Variants in ZNF251 observed in about 807,000 individuals in gnomAD.
ZNF251 encodes zinc finger protein 251.
A neutral mutation model predicts 13.5 loss-of-function variants in ZNF251; 14 were observed. That is an observed-to-expected ratio of 1.04 (90% confidence interval 0.69 to 1.63). The LOEUF (loss-of-function observed/expected upper bound fraction) is 1.63. ZNF251 is among the 40% of genes most tolerant of loss of function. The pLI, the probability that ZNF251 is intolerant of heterozygous loss-of-function variation, is 0.00. For synonymous variants in ZNF251, 287 were observed against 295.2 expected, an observed-to-expected ratio of 0.97 and a Z score of 0.28; for missense variants, 764 against 834.9, an observed-to-expected ratio of 0.92 and a Z score of 1.05.
At chr8:144,732,613 C>CT (rs1391550841) in intron 4 of ZNF251, among the ~76,000 whole-genome samples, 7 of 150,224 alleles carry the variant, frequency 4.7e-5, no homozygotes, top group Non-Finnish European at 8.9e-5. Flanking sequence ...GAGATGGAGA[C>CT]CATCCTGGCC....
At chr8:144,725,310 C>G (rs1240228177) in intron 4 of ZNF251, among the ~76,000 whole-genome samples, 1 of 152,084 alleles carries the variant, frequency 6.6e-6, no homozygotes, top group East Asian at 1.9e-4. Flanking sequence ...CCATCGCACC[C>G]GGCCTCTTTT....
chr8:144,753,274 G>GAAA lies in ZNF251; in HGVS notation c.277+406_277+408dup, dbSNP rs11336657. Among the ~76,000 whole-genome samples, 251 of 41,824 alleles carry GAAA rather than the reference G, an allele frequency of 6.0e-3. 20 individuals carry two copies. The highest frequency in any genetic ancestry group is 8.2e-3 in the Non-Finnish European group (204 of 24,998). 27.4% of individuals were successfully genotyped at this position (41,824 alleles called of 152,430 possible). ...TGGTGACAGAGTGAGATTCTGTCTC[G>GAAA]AAAAAAAAAAAAAAAAAAAAAAAAA... On this transcript the variant is annotated intron_variant, in intron 4 of 4. Transcript: ENST00000292562.
chr8:144,732,602 G>A (rs539328524), intron 4 of ZNF251, among the ~76,000 whole-genome samples: 1 of 151,196 alleles, frequency 6.6e-6, no homozygotes. Context: ...CACGAGGTCA[G>A]GAGATGGAGA....
intron 4 of ZNF251, among the ~76,000 whole-genome samples, chr8:144,744,727 A>C (rs1226567658): frequency 6.6e-6 from 1 of 152,216 alleles, no homozygotes; most frequent in East Asian, 1.9e-4. Context: ...TAACCATGCT[A>C]ACACACTGAT....
intron 4 of ZNF251, among the ~76,000 whole-genome samples, chr8:144,732,725 T>C (rs945857134): frequency 2.7e-5 from 4 of 147,884 alleles, no homozygotes; most frequent in Admixed American, 1.4e-4. Context: ...GGCAGGAGAA[T>C]GGCGTGAACC....
rs893949151 is a variant in ZNF251 at position 144,741,056 on chromosome 8, C to T, written c.277+12627G>A. 5.3e-5 allele frequency among the ~76,000 whole-genome samples: 8 copies of T among 152,334 alleles called. No homozygotes were observed. In the East Asian group the frequency reaches 5.8e-4, roughly 11 times the overall value. ...GAGGCTGAGTTCCTCGAAGTGCTGC[C>T]GAAGGCAATGCCAGAAGGGAACAGT... On this transcript the variant is annotated intron_variant, in intron 4 of 4. Coordinates refer to ENST00000292562, the MANE Select transcript of ZNF251 (RefSeq NM_138367.2).
chr8:144,740,285 C>T (rs1486791613), intron 4 of ZNF251, among the ~76,000 whole-genome samples: 2 of 150,684 alleles, frequency 1.3e-5, no homozygotes, highest in Admixed American at 6.6e-5. Flanking sequence ...AACTCCGTCT[C>T]AAAAATAATA....
In ZNF251 at chr8:144,721,797, T is replaced by G; in HGVS notation, c.1863A>C (p.Pro621=). The G allele has an allele frequency of 6.8e-7, 1 of 1,471,022 alleles. No homozygotes were observed. The highest frequency in any genetic ancestry group is 1.4e-5 in the African/African-American group (1 of 71,160). The allele number at this position is 1,471,022 out of a possible 1,614,324, so 91.1% of individuals were successfully genotyped here. The change falls in exon 5 of 5, where the codon CCA becomes CCC. Residue 621 remains proline, a synonymous_variant. Coordinates refer to ENST00000292562, the MANE Select transcript of ZNF251 (RefSeq NM_138367.2). ...CTTTCCCATACACACTGCAATGACATGGTTTCTGACCAGTGTGAGTTACCT... is the reference window on the plus strand; with the variant it reads ...CTTTCCCATACACACTGCAATGACAGGGTTTCTGACCAGTGTGAGTTACCT... The part of the protein sequence containing the change: ...QHQVTHTGQK[P]CHCSVYGKAF...
chr8:144,752,746 T>C (rs1267682462), intron 4 of ZNF251, among the ~76,000 whole-genome samples: 4 of 152,176 alleles, frequency 2.6e-5, no homozygotes, highest in African/African-American at 4.8e-5. Context: ...ATTAATAACA[T>C]ACTTAACTGG....
At chr8:144,755,042 C>T in intron 1 of ZNF251, 1 of 1,358,926 alleles carries the variant, frequency 7.4e-7, no homozygotes, top group Non-Finnish European at 9.5e-7. Context: ...TTCCCGTGGT[C>T]CAGACCTGCT....
rs1172799461 is a variant in ZNF251 at position 144,721,505 on chromosome 8, T to A, written c.*139A>T. 1.1e-6 allele frequency: 1 copy of A among 875,804 alleles called. No homozygotes were observed. The highest frequency in any genetic ancestry group is 3.3e-5 in the East Asian group (1 of 30,234). The allele number at this position is 875,804 out of a possible 1,614,324, so 54.3% of individuals were successfully genotyped here. A position where few individuals can be genotyped will look rare whatever the true frequency, so the allele number is the denominator to read the frequency against. ...TTCTCGTGTTTACTTCCAGATTTAA[T>A]GACTTTGACTTTAGTAGTCATCTGA... On this transcript the variant is annotated 3_prime_UTR_variant, in exon 5 of 5. Transcript: ENST00000292562.
intron 4 of ZNF251, among the ~76,000 whole-genome samples, chr8:144,726,014 T>C (rs1190664744): frequency 6.6e-6 from 1 of 151,474 alleles, no homozygotes; most frequent in African/African-American, 2.4e-5. Flanking sequence ...CTGGCCAACA[T>C]GGTGAAACCC....
intron 4 of ZNF251, among the ~76,000 whole-genome samples, chr8:144,747,959 G>A (rs1824506650): frequency 1.3e-5 from 2 of 152,202 alleles, no homozygotes; most frequent in Non-Finnish European, 2.9e-5. Context: ...GCCCAGCCTG[G>A]AGCGCAGTGA....
At chr8:144,728,863 C>T (rs1165426651) in intron 4 of ZNF251, among the ~76,000 whole-genome samples, 1 of 151,718 alleles carries the variant, frequency 6.6e-6, no homozygotes, top group African/African-American at 2.4e-5. Flanking sequence ...CCCAGGGGGG[C>T]AGATCACCTG....
At chr8:144,731,526 A>G (rs1009781348) in intron 4 of ZNF251, among the ~76,000 whole-genome samples, 1 of 152,206 alleles carries the variant, frequency 6.6e-6, no homozygotes, top group African/African-American at 2.4e-5. Flanking sequence ...ATCTCCAATT[A>G]ATGACACATA....
At chr8:144,752,810 C>T (rs922521991) in intron 4 of ZNF251, among the ~76,000 whole-genome samples, 2 of 152,024 alleles carry the variant, frequency 1.3e-5, no homozygotes, top group South Asian at 2.1e-4. Context: ...GTTATATGTT[C>T]TGACAGTGTA....
intron 4 of ZNF251, among the ~76,000 whole-genome samples, chr8:144,748,221 A>T (rs1444941254): frequency 2.0e-5 from 3 of 150,976 alleles, no homozygotes; most frequent in Non-Finnish European, 4.4e-5. Context: ...TTACAGGTGC[A>T]CTCCACCATG....
chr8:144,732,591 T>A (rs548286300), intron 4 of ZNF251, among the ~76,000 whole-genome samples: 248 of 151,626 alleles, frequency 1.6e-3, no homozygotes, highest in Non-Finnish European at 4.6e-4. Context: ...GGCGGGGGAA[T>A]CACGAGGTCA....
At chr8:144,751,762 A>G (rs949480034) in intron 4 of ZNF251, among the ~76,000 whole-genome samples, 1 of 152,204 alleles carries the variant, frequency 6.6e-6, no homozygotes, top group East Asian at 1.9e-4. Context: ...TACAATTAAA[A>G]GACAAAGATT....
Sources: allele counts gnomAD v4.1 joint callset (sites outside exome capture counted in the v4.1 genomes callset), GRCh38; gene constraint gnomAD v4.1.1; transcripts MANE v1.5; gene names NCBI Gene and HGNC (gene_info 2026-07-23, HGNC 2026-07-21).